SMARCB1: variants seen among roughly 807,000 people sequenced by gnomAD.
SMARCB1 encodes the protein SWI/SNF related BAF chromatin remodeling complex subunit B1, also known as SWI/SNF-related matrix-associated actin-dependent regulator of chromatin subfamily B member 1.
Under a neutral mutation model 49.0 loss-of-function variants are expected in SMARCB1, and 5 were observed. That is an observed-to-expected ratio of 0.10 (90% CI 0.05 to 0.21). The LOEUF is 0.21. Among genes scored for constraint, SMARCB1 ranks in the 10% least tolerant of loss-of-function variants. The probability of loss-of-function intolerance (pLI) is 1.00; values close to 1 mark genes in which losing one functional copy is unlikely to be tolerated. For missense variants in SMARCB1, 226 were observed against 509.2 expected (o/e 0.44, Z 5.35); for synonymous variants, 201 against 200.1 (o/e 1.00, Z -0.04).
chr22:23,821,943 C>T (rs1013189422), intron 6 of SMARCB1, among the ~76,000 whole-genome samples: 1 of 152,040 alleles, frequency 6.6e-6, no homozygotes. Flanking sequence ...GCTCAAGCAA[C>T]TCTTCCACCT....
chr22:23,800,401 C>A (rs1167480661), intron 3 of SMARCB1, among the ~76,000 whole-genome samples: 1 of 152,206 alleles, frequency 6.6e-6, no homozygotes, highest in Non-Finnish European at 1.5e-5. Context: ...GCTGGTATGT[C>A]TAAAATGACA....
At chr22:23,809,850 A>C (rs1252358229) in intron 5 of SMARCB1, among the ~76,000 whole-genome samples, 1 of 152,136 alleles carries the variant, frequency 6.6e-6, no homozygotes, top group Non-Finnish European at 1.5e-5. Context: ...GATATTGGAC[A>C]TTCTTAGTCA....
At chr22:23,799,679 A>ATTTTTTTTTTTGTTTT (rs1929016162) in intron 3 of SMARCB1, among the ~76,000 whole-genome samples, 1 of 68,406 alleles carries the variant, frequency 1.5e-5, no homozygotes, top group Non-Finnish European at 2.7e-5. Flanking sequence ...CACCTGGCTA[A>ATTTTTTTTTTTGTTTT]TTTTTTTTTT....
At chr22:23,787,715 C>T (rs1254643429) in intron 1 of SMARCB1, among the ~76,000 whole-genome samples, 1 of 152,180 alleles carries the variant, frequency 6.6e-6, no homozygotes, top group Admixed American at 6.5e-5. Flanking sequence ...TTAGTGAGGG[C>T]TCATCCCCAT....
intron 2 of SMARCB1, chr22:23,792,445 G>C (rs1224174327): frequency 1.5e-5 from 4 of 258,620 alleles, no homozygotes; most frequent in African/African-American, 8.8e-5. Context: ...GGTCACGGCA[G>C]CTCTGTGCAG....
At chr22:23,820,364 C>G (rs971009541) in intron 6 of SMARCB1, among the ~76,000 whole-genome samples, 1 of 152,124 alleles carries the variant, frequency 6.6e-6, no homozygotes, top group African/African-American at 2.4e-5. Context: ...CACCTGAGGT[C>G]GGGAGTTAGA....
At chr22:23,801,297 C>G (rs1324914476) in intron 4 of SMARCB1, 7 of 748,068 alleles carry the variant, frequency 9.4e-6, no homozygotes, top group Non-Finnish European at 1.4e-5. Flanking sequence ...TTGCCATGTC[C>G]TCCTCACCTC....
chr22:23,834,769 G>A lies in SMARCB1; in HGVS notation c.*589G>A. On this transcript the variant is annotated 3_prime_UTR_variant, in exon 9 of 9. Coordinates refer to ENST00000644036, the MANE Select transcript of SMARCB1 (RefSeq NM_003073.5). ...CTGAGAAGAGTAGCTGTGAGGCTCA[G>A]GGCAAGAGGCTCTCTGCCTTTCAGG... 4.2e-6 allele frequency: 6 copies of A among 1,423,610 alleles called. No individual in the cohort carries two copies. The highest frequency in any genetic ancestry group is 4.6e-6 in the Non-Finnish European group (5 of 1,087,990). The allele number at this position is 1,423,610 out of a possible 1,614,324, so 88.2% of individuals were successfully genotyped here.
chr22:23,792,388 G>T, intron 2 of SMARCB1: 1 of 297,194 alleles, frequency 3.4e-6, no homozygotes, highest in South Asian at 3.2e-5. Flanking sequence ...GGTGGCCTGC[G>T]TGTGCCTGGG....
At chr22:23,793,313 C>T in intron 2 of SMARCB1, 1 of 580,332 alleles carries the variant, frequency 1.7e-6, no homozygotes, top group Admixed American at 2.5e-5. Flanking sequence ...CTGCCCCGAG[C>T]CAGTGCTCCT....
intron 1 of SMARCB1, among the ~76,000 whole-genome samples, chr22:23,789,949 AGT>A (rs949305830): frequency 5.3e-5 from 8 of 152,282 alleles, no homozygotes; most frequent in Middle Eastern, 6.8e-3. Flanking sequence ...ATTTACTAAG[AGT>A]GTGTGTCACT....
rs942054796 is a variant in SMARCB1 at position 23,835,974 on chromosome 22, C to A, written c.*1794C>A. ...AGTGTTGTTACCATGAAAATGACAA[C>A]CTGTCTTTGGAGGAGGCCCCGTGCC... On this transcript the variant is annotated 3_prime_UTR_variant, in exon 9 of 9. Coordinates refer to ENST00000644036, the MANE Select transcript of SMARCB1 (RefSeq NM_003073.5). 8 of 985,398 alleles carry A rather than the reference C, an allele frequency of 8.1e-6. No homozygotes were observed. Among genetic ancestry groups the A allele is most frequent in the African/African-American group, 1.7e-5 (1 of 57,248 alleles). 61.0% of individuals were successfully genotyped at this position (985,398 alleles called of 1,614,324 possible).
At chr22:23,814,797 C>T (rs1318423552) in intron 5 of SMARCB1, among the ~76,000 whole-genome samples, 2 of 151,760 alleles carry the variant, frequency 1.3e-5, no homozygotes, top group Admixed American at 6.6e-5. Flanking sequence ...GTGGAGAAAC[C>T]TCGTCTCTAC....
chr22:23,832,058 G>A (rs867533987), intron 7 of SMARCB1, among the ~76,000 whole-genome samples: 2 of 152,176 alleles, frequency 1.3e-5, no homozygotes, highest in Admixed American at 6.5e-5. Context: ...AGTGCCCTGC[G>A]CTGTGCCCAC....
chr22:23,831,367 C>G (rs1255983499), intron 7 of SMARCB1, among the ~76,000 whole-genome samples: 2 of 152,176 alleles, frequency 1.3e-5, no homozygotes, highest in Non-Finnish European at 2.9e-5. Flanking sequence ...CGTGAGCATC[C>G]CCTGCCTGGG....
intron 2 of SMARCB1, chr22:23,792,408 G>T: frequency 3.4e-6 from 1 of 292,648 alleles, no homozygotes; most frequent in Non-Finnish European, 6.7e-6. Flanking sequence ...GGCTTGCTAG[G>T]TACACTAGTG....
At chr22:23,793,343 C>G in intron 2 of SMARCB1, 1 of 647,842 alleles carries the variant, frequency 1.5e-6, no homozygotes, top group Non-Finnish European at 2.8e-6. Flanking sequence ...TAGTCCAAAT[C>G]AGTCCCATTG....
chr22:23,819,920 G>C (rs1381865627), intron 6 of SMARCB1, among the ~76,000 whole-genome samples: 1 of 151,908 alleles, frequency 6.6e-6, no homozygotes, highest in Non-Finnish European at 1.5e-5. Flanking sequence ...TCCACCTCCT[G>C]GATTCAAGCG....
Position 23,797,429 on chromosome 22 carries a change from C to T in SMARCB1, c.363-3515C>T, listed in dbSNP as rs1928837232. ...GTTCACACCATTCTCCTGCCTCAGC[C>T]TCCCGAGTAGCTGGAACTACAGGTG... On this transcript the variant is annotated intron_variant, in intron 3 of 8. Transcript: ENST00000644036. Among the ~76,000 whole-genome samples the T allele has an allele frequency of 4.0e-5, 6 of 151,698 alleles. No individual in the cohort carries two copies. In the South Asian group the frequency reaches 1.3e-3, roughly 32 times the overall value.
Sources: allele counts gnomAD v4.1 joint callset (sites outside exome capture counted in the v4.1 genomes callset), GRCh38; gene constraint gnomAD v4.1.1; transcripts MANE v1.5; gene names NCBI Gene and HGNC (gene_info 2026-07-23, HGNC 2026-07-21).